CALD1: variants seen among roughly 807,000 people sequenced by gnomAD.
CALD1 encodes caldesmon.
In CALD1, 33 loss-of-function variants were observed where a neutral mutation model predicts 99.9. That is an observed-to-expected ratio of 0.33 (90% CI 0.25 to 0.44). The LOEUF (loss-of-function observed/expected upper bound fraction) is 0.44. CALD1 is among the 20% of genes least tolerant of loss of function. The pLI is 1.00. For missense variants in CALD1, 861 were observed against 962.1 expected (o/e 0.89, Z 1.39); for synonymous variants, 310 against 325.0 (o/e 0.95, Z 0.50).
At chr7:134,780,429 GGT>G (rs1797060066) in intron 1 of CALD1, among the ~76,000 whole-genome samples, 1 of 150,932 alleles carries the variant, frequency 6.6e-6, no homozygotes, top group Non-Finnish European at 1.5e-5. Context: ...TGCGCTAGTG[GGT>G]GTGTTTTTTT....
chr7:134,733,095 T>C, the CALD1 span, among the ~76,000 whole-genome samples: 1 of 152,220 alleles, frequency 6.6e-6, no homozygotes, highest in Non-Finnish European at 1.5e-5. Context: ...TCCTCTCCTC[T>C]TGAGCGCTGA....
the CALD1 span, among the ~76,000 whole-genome samples, chr7:134,725,267 C>T: frequency 2.0e-5 from 3 of 152,152 alleles, no homozygotes; most frequent in Admixed American, 1.3e-4. Context: ...CAGAAATTGA[C>T]AGTGATATCT....
chr7:134,850,920 G>A (rs994387146), intron 2 of CALD1, among the ~76,000 whole-genome samples: 1 of 152,062 alleles, frequency 6.6e-6, no homozygotes, highest in Admixed American at 6.6e-5. Flanking sequence ...TTTATAAAGG[G>A]GATTTCCCCC....
chr7:134,900,332 G>A (rs1802898467), intron 3 of CALD1, among the ~76,000 whole-genome samples: 1 of 152,122 alleles, frequency 6.6e-6, no homozygotes, highest in Admixed American at 6.5e-5. Context: ...GTTATGGTAT[G>A]CCTGCGAATT....
At chr7:134,821,557 G>T (rs112568419) in intron 1 of CALD1, among the ~76,000 whole-genome samples, 1 of 146,922 alleles carries the variant, frequency 6.8e-6, no homozygotes, top group East Asian at 2.0e-4. Flanking sequence ...ACTTTTTTGG[G>T]GTTAACTTTT....
chr7:134,779,334 T>C, upstream of CALD1: 1 of 234,588 alleles, frequency 4.3e-6, no homozygotes, highest in Admixed American at 5.7e-5. Flanking sequence ...CTGCTAAGGA[T>C]AACCAAAAAA....
chr7:134,877,142 C>G (rs1801389185), intron 3 of CALD1, among the ~76,000 whole-genome samples: 1 of 152,200 alleles, frequency 6.6e-6, no homozygotes, highest in Admixed American at 6.5e-5. Flanking sequence ...TGCTGTTTTT[C>G]TGCTGGCTGA....
At chr7:134,904,148 A>G (rs533958013) in intron 3 of CALD1, among the ~76,000 whole-genome samples, 1 of 152,054 alleles carries the variant, frequency 6.6e-6, no homozygotes, top group Non-Finnish European at 1.5e-5. Flanking sequence ...ACTTTAACCC[A>G]GGAGGCAGAG....
chr7:134,902,431 T>TATC (rs1226296332), intron 3 of CALD1, among the ~76,000 whole-genome samples: 1 of 152,070 alleles, frequency 6.6e-6, no homozygotes, highest in African/African-American at 2.4e-5. Context: ...TCCAGGGAAG[T>TATC]ATCATGAGTC....
intron 10 of CALD1, 39 bp downstream of exon 10, chr7:134,958,151 G>A (rs1299770273): frequency 6.2e-7 from 1 of 1,606,246 alleles, no homozygotes; most frequent in Non-Finnish European, 8.5e-7. Flanking sequence ...TAATCAGCTA[G>A]CATATGTATG....
intron 1 of CALD1, among the ~76,000 whole-genome samples, chr7:134,772,911 C>A (rs1796887960): frequency 6.6e-6 from 1 of 152,218 alleles, no homozygotes. Context: ...GGGACTCTTT[C>A]ACCTCTATCC....
chr7:134,808,177 T>C (rs1019327830), intron 1 of CALD1, among the ~76,000 whole-genome samples: 2 of 151,910 alleles, frequency 1.3e-5, no homozygotes, highest in African/African-American at 4.8e-5. Flanking sequence ...CATGTTTCAC[T>C]GCAGCTCCCA....
At position 134,970,105 on chromosome 7, in the gene CALD1, G is replaced by A. The variant is rs1474304866; in HGVS notation, c.*1760G>A. On this transcript the variant is annotated 3_prime_UTR_variant, in exon 15 of 15. Transcript: ENST00000361675. ...CTTTAGCAAACCTAAGCCAAAGGAA[G>A]GAAAGCCATGAAGAATGCAGAAGTC... 6.6e-6 allele frequency: 1 copy of A among 152,218 alleles called. No individual in the cohort carries two copies. Among genetic ancestry groups the A allele is most frequent in the Non-Finnish European group, 1.5e-5 (1 of 68,042 alleles). The allele number at this position is 152,218 out of a possible 1,614,324, so 9.4% of individuals were successfully genotyped here.
chr7:134,882,883 A>G (rs1027432105), intron 3 of CALD1, among the ~76,000 whole-genome samples: 1 of 152,248 alleles, frequency 6.6e-6, no homozygotes, highest in African/African-American at 2.4e-5. Flanking sequence ...AGAGCCCAAT[A>G]CTTTTTAATC....
chr7:134,757,605 G>T (rs761034202), intron 1 of CALD1, among the ~76,000 whole-genome samples: 27 of 152,178 alleles, frequency 1.8e-4, no homozygotes, highest in Admixed American at 3.3e-4. Context: ...TGGAGGCCAG[G>T]TGCAGTGGCT....
At chr7:134,924,260 C>T (rs1209990168) in intron 3 of CALD1, among the ~76,000 whole-genome samples, 1 of 151,910 alleles carries the variant, frequency 6.6e-6, no homozygotes, top group Non-Finnish European at 1.5e-5. Flanking sequence ...GCATGATTCT[C>T]GGGAGTGGCT....
intron 1 of CALD1, among the ~76,000 whole-genome samples, chr7:134,764,044 G>T (rs1479473741): frequency 6.6e-6 from 1 of 151,944 alleles, no homozygotes; most frequent in Non-Finnish European, 1.5e-5. Context: ...CTGCCTTCCA[G>T]AAGATACATG....
intron 1 of CALD1, among the ~76,000 whole-genome samples, chr7:134,821,526 A>ATT (rs57433119): frequency 2.6e-5 from 4 of 151,350 alleles, no homozygotes; most frequent in African/African-American, 9.7e-5. Context: ...GATATAGGTG[A>ATT]TTTTTTTTAA....
chr7:134,912,221 T>C (rs1563089824), intron 3 of CALD1, among the ~76,000 whole-genome samples: 1 of 152,092 alleles, frequency 6.6e-6, no homozygotes, highest in African/African-American at 2.4e-5. Flanking sequence ...CCTGGAAAAA[T>C]GGAACATGAG....
Sources: allele counts gnomAD v4.1 joint callset (sites outside exome capture counted in the v4.1 genomes callset), GRCh38; gene constraint gnomAD v4.1.1; transcripts MANE v1.5; gene names NCBI Gene and HGNC (gene_info 2026-07-23, HGNC 2026-07-21).